EYA4: variants seen among roughly 807,000 people sequenced by gnomAD.
EYA4 encodes EYA transcriptional coactivator and phosphatase 4, also known as protein phosphatase EYA4.
In EYA4, 31 loss-of-function variants were observed where a neutral mutation model predicts 87.9. The ratio of observed to expected loss-of-function variants is 0.35; its 90% CI spans 0.27 to 0.48. The LOEUF (loss-of-function observed/expected upper bound fraction) is 0.48. Among genes scored for constraint, EYA4 ranks in the 20% least tolerant of loss-of-function variants. EYA4 has a pLI of 0.99. For synonymous variants in EYA4, 263 were observed against 270.6 expected, an observed-to-expected ratio of 0.97 and a Z score of 0.28; for missense variants, 678 against 761.4, an observed-to-expected ratio of 0.89 and a Z score of 1.29.
chr6:133,449,577 C>T (rs1562435087), intron 5 of EYA4, among the ~76,000 whole-genome samples: 3 of 152,124 alleles, frequency 2.0e-5, no homozygotes, highest in South Asian at 2.1e-4. Flanking sequence ...AGGAGTTGTG[C>T]GTCAGGGCCA....
intron 2 of EYA4, among the ~76,000 whole-genome samples, chr6:133,365,208 G>T (rs566735185): frequency 6.6e-6 from 1 of 152,234 alleles, no homozygotes; most frequent in Non-Finnish European, 1.5e-5. Flanking sequence ...CTCACCAAGC[G>T]CCCCCAAACC....
intron 3 of EYA4, among the ~76,000 whole-genome samples, chr6:133,392,488 A>G (rs1787386892): frequency 6.6e-6 from 1 of 152,150 alleles, no homozygotes; most frequent in Non-Finnish European, 1.5e-5. Flanking sequence ...ACTGGTGATG[A>G]CAGATCAACC....
At chr6:133,285,523 T>C (rs780574280) in intron 2 of EYA4, among the ~76,000 whole-genome samples, 8 of 152,142 alleles carry the variant, frequency 5.3e-5, no homozygotes, top group Non-Finnish European at 1.2e-4. Flanking sequence ...GGAATACATA[T>C]TGTGTAGAGG....
At chr6:133,441,891 G>A (rs551285110) in intron 3 of EYA4, among the ~76,000 whole-genome samples, 1 of 151,906 alleles carries the variant, frequency 6.6e-6, no homozygotes, top group South Asian at 2.1e-4. Flanking sequence ...CTGACATATT[G>A]ATTCTTTGAA....
rs542063293 is a variant in EYA4 at position 133,476,225 on chromosome 6, G to T, written c.971-5238G>T. On this transcript the variant is annotated intron_variant, in intron 11 of 19. Transcript: ENST00000355286. ...GGCTAAATTGAGCTGATTAACATATGCATTACCTCACATGCTTATCATTTT... is the reference window on the plus strand; with the variant it reads ...GGCTAAATTGAGCTGATTAACATATTCATTACCTCACATGCTTATCATTTT... 5.3e-5 allele frequency among the ~76,000 whole-genome samples: 8 copies of T among 152,118 alleles called. No homozygotes were observed. In the South Asian group the frequency reaches 1.7e-3, roughly 32 times the overall value.
chr6:133,309,036 G>A (rs1780019981), intron 2 of EYA4, among the ~76,000 whole-genome samples: 1 of 151,790 alleles, frequency 6.6e-6, no homozygotes, highest in African/African-American at 2.4e-5. Context: ...ACTTTCTGTA[G>A]GTGGACTAGA....
intron 3 of EYA4, among the ~76,000 whole-genome samples, chr6:133,398,046 A>G (rs1172638021): frequency 6.6e-6 from 1 of 152,180 alleles, no homozygotes; most frequent in Non-Finnish European, 1.5e-5. Flanking sequence ...TTGTGAATCC[A>G]TTTAGTTAAA....
intron 2 of EYA4, among the ~76,000 whole-genome samples, chr6:133,356,801 A>ATT (rs1562324869): frequency 3.4e-4 from 48 of 142,412 alleles, no homozygotes; most frequent in Middle Eastern, 7.1e-3. Flanking sequence ...GTATATATAT[A>ATT]TTTTATTTTT....
At chr6:133,321,572 A>C (rs1781095752) in intron 2 of EYA4, among the ~76,000 whole-genome samples, 1 of 152,194 alleles carries the variant, frequency 6.6e-6, no homozygotes. Context: ...ACCTATTTGA[A>C]AATCCTAAAC....
intron 2 of EYA4, among the ~76,000 whole-genome samples, chr6:133,303,109 TTTTG>T (rs1779539701): frequency 6.6e-6 from 1 of 152,136 alleles, no homozygotes; most frequent in African/African-American, 2.4e-5. Flanking sequence ...TGCTCTATAG[TTTTG>T]TTTGTTTACT....
At chr6:133,299,434 A>G (rs1254298434) in intron 2 of EYA4, among the ~76,000 whole-genome samples, 7 of 152,054 alleles carry the variant, frequency 4.6e-5, no homozygotes, top group Non-Finnish European at 7.4e-5. Flanking sequence ...GCCATTAAAC[A>G]CTTAAAATCG....
At chr6:133,460,904 TTG>T (rs1794327832) in intron 6 of EYA4, among the ~76,000 whole-genome samples, 1 of 152,178 alleles carries the variant, frequency 6.6e-6, no homozygotes, top group Non-Finnish European at 1.5e-5. Context: ...AGGGAATGAT[TTG>T]TGAGACAAAT....
intron 2 of EYA4, among the ~76,000 whole-genome samples, chr6:133,306,359 A>T (rs1779808794): frequency 6.6e-6 from 1 of 152,186 alleles, no homozygotes; most frequent in African/African-American, 2.4e-5. Flanking sequence ...TTCATTTTGC[A>T]TGTGAAAAAC....
At chr6:133,313,134 G>C (rs1780359787) in intron 2 of EYA4, among the ~76,000 whole-genome samples, 1 of 152,116 alleles carries the variant, frequency 6.6e-6, no homozygotes, top group Non-Finnish European at 1.5e-5. Flanking sequence ...GTTACATATT[G>C]GACTTATAAG....
chr6:133,288,486 G>A (rs1778245889), intron 2 of EYA4, among the ~76,000 whole-genome samples: 1 of 152,158 alleles, frequency 6.6e-6, no homozygotes, highest in Admixed American at 6.5e-5. Context: ...ATAGAGTTTA[G>A]GAGCAGGTAT....
chr6:133,349,612 A>G (rs1262028895), intron 2 of EYA4, among the ~76,000 whole-genome samples: 1 of 151,234 alleles, frequency 6.6e-6, no homozygotes, highest in Non-Finnish European at 1.5e-5. Flanking sequence ...CTGAAACAAA[A>G]TGCCTCATGA....
At chr6:133,299,056 G>T (rs1282527630) in intron 2 of EYA4, among the ~76,000 whole-genome samples, 5 of 152,118 alleles carry the variant, frequency 3.3e-5, no homozygotes, top group African/African-American at 4.8e-5. Flanking sequence ...AATGAAGCAG[G>T]ACTCTTCTTA....
chr6:133,394,282 G>GTGTTTTTTTTT lies in EYA4; in HGVS notation c.83+11843_83+11853dup, dbSNP rs1277318953. Among the ~76,000 whole-genome samples, 1,039 of 107,706 alleles carry GTGTTTTTTTTT rather than the reference G, an allele frequency of 9.6e-3. 82 individuals carry two copies. The highest frequency in any genetic ancestry group is 0.047 in the African/African-American group (973 of 20,746). 70.7% of individuals were successfully genotyped at this position (107,706 alleles called of 152,430 possible). ...GTTGGAAAAATGTATATATAAGCTT[G>GTGTTTTTTTTT]TGTTTTTTTTTTTTTTTTTTTTTTT... On this transcript the variant is annotated intron_variant, in intron 3 of 19. Coordinates refer to ENST00000355286, the MANE Select transcript of EYA4 (RefSeq NM_004100.5).
At chr6:133,246,581 A>G (rs767434934) in intron 1 of EYA4, among the ~76,000 whole-genome samples, 1 of 152,158 alleles carries the variant, frequency 6.6e-6, no homozygotes, top group Non-Finnish European at 1.5e-5. Flanking sequence ...TCACCAAGGC[A>G]TATATTAATG....
Sources: gnomAD v4.1 joint callset for allele counts (sites outside exome capture counted in the v4.1 genomes callset) on GRCh38, gnomAD v4.1.1 for gene constraint, MANE v1.5 for transcripts, NCBI Gene and HGNC (gene_info 2026-07-23, HGNC 2026-07-21) for gene names.